The following NOS2 variants were observed in gnomAD, a reference collection of about 807,000 sequenced individuals.
NOS2 encodes the protein nitric oxide synthase, inducible.
NOS2 carries 96 observed loss-of-function variants against 136.0 expected under a neutral mutation model. The observed-to-expected ratio is 0.71, with a 90% confidence interval of 0.60 to 0.84. The LOEUF (loss-of-function observed/expected upper bound fraction) is 0.84, where lower values mean the gene tolerates loss of function less well. NOS2 is among the 40% of genes least tolerant of loss of function. The probability of loss-of-function intolerance (pLI) is 0.00; values close to 1 mark genes in which losing one functional copy is unlikely to be tolerated. For synonymous variants in NOS2, 539 were observed against 587.5 expected (o/e 0.92, Z 1.20); for missense variants, 1,237 against 1,496.9 (o/e 0.83, Z 2.87).
rs28944201 is a variant in NOS2 at position 27,760,164 on chromosome 17, G to A, written c.3025C>T (p.Arg1009Cys). Residue 1009 changes from arginine to cysteine, a missense_variant, in exon 25 of 27, where the codon CGC (arginine) becomes TGC (cysteine). By Grantham distance (180) the Arg-to-Cys change is radical. Coordinates refer to ENST00000313735, the MANE Select transcript of NOS2 (RefSeq NM_000625.4). ...DSQHKGVRGG[R>C]MTLVFGCRRP... is the part of the protein sequence containing the mutation. ...CGGCACCCAAACACCAAGGTCATGC[G>A]GCCTCCCCGCACTCCTGCAGGAGTC... 6.5e-5 allele frequency: 103 copies of A among 1,580,762 alleles called. No individual in the cohort carries two copies. In the African/African-American group the frequency reaches 1.3e-3, roughly 20 times the overall value.
intron 15 of NOS2, among the ~76,000 whole-genome samples, chr17:27,769,796 T>G (rs538897167): frequency 6.6e-6 from 1 of 152,222 alleles, no homozygotes; most frequent in African/African-American, 2.4e-5. Flanking sequence ...TAGCAACTTG[T>G]GTAGGCCCTG....
chr17:27,764,366 G>A (rs1219120299), intron 20 of NOS2, among the ~76,000 whole-genome samples: 13 of 152,272 alleles, frequency 8.5e-5, no homozygotes, highest in Middle Eastern at 3.4e-3. Context: ...GTAAGTTGGC[G>A]TGGTCCTGAT....
intron 14 of NOS2, 39 bp downstream of exon 14, chr17:27,772,269 C>T (rs1555539229): frequency 6.2e-7 from 1 of 1,612,688 alleles, no homozygotes; most frequent in Non-Finnish European, 8.5e-7. Flanking sequence ...CCCCTGCACA[C>T]AAGCAGAAAA....
intron 9 of NOS2, among the ~76,000 whole-genome samples, chr17:27,779,523 CA>C (rs1279779862): frequency 3.3e-5 from 5 of 152,036 alleles, no homozygotes; most frequent in African/African-American, 7.2e-5. Flanking sequence ...CAGAAAGAGT[CA>C]AACAAGAAAA....
intron 13 of NOS2, 145 bp downstream of exon 13, chr17:27,773,016 C>T (rs1214465157): frequency 1.3e-6 from 1 of 743,380 alleles, no homozygotes; most frequent in Admixed American, 2.1e-5. Context: ...GCCTGGGTGA[C>T]AGAGTAAGAC....
chr17:27,795,162 G>A (rs561039894), intron 2 of NOS2, among the ~76,000 whole-genome samples: 27 of 152,328 alleles, frequency 1.8e-4, no homozygotes, highest in South Asian at 8.3e-4. Context: ...AACCAGCGAG[G>A]AAGACATCCG....
chr17:27,769,626 A>C, intron 15 of NOS2, 42 bp from the exon 16 acceptor site: 1 of 1,525,454 alleles, frequency 6.6e-7, no homozygotes, highest in East Asian at 2.2e-5. Context: ...GCCAGGATGA[A>C]TAAAAACACT....
rs371738935 is a variant in NOS2, at chr17:27,761,148, G to T, written c.2884C>A (p.Arg962=). Residue 962 remains arginine (R), a synonymous_variant, in exon 23 of 27, where the codon CGG becomes AGG. Transcript: ENST00000313735. ...CAGAGTGGAAGGGGTGCTTACTTCC[G>T]CACAAAGCAGGGCACTGGGTCTTGG... ...KPQDPVPCFV[R]NASGFHLPED... is the part of the protein sequence containing the mutation. 5 of 1,593,840 alleles carry T rather than the reference G, an allele frequency of 3.1e-6. No individual in the cohort carries two copies. The highest frequency in any genetic ancestry group is 3.5e-5 in the Admixed American group (2 of 57,866).
At chr17:27,781,363 A>T (rs1324673776) in intron 7 of NOS2, among the ~76,000 whole-genome samples, 186 bp from the exon 8 acceptor site, 3 of 152,082 alleles carry the variant, frequency 2.0e-5, no homozygotes, top group Non-Finnish European at 4.4e-5. Flanking sequence ...CACCCCCTCA[A>T]GGGGGCCTTC....
chr17:27,759,634 G>A (rs1716228213), intron 25 of NOS2, among the ~76,000 whole-genome samples: 1 of 152,130 alleles, frequency 6.6e-6, no homozygotes, highest in Admixed American at 6.5e-5. Flanking sequence ...CAGGCTCAGG[G>A]GGTAACGCGG....
In NOS2 at chr17:27,765,755, A is replaced by T. The variant is rs762619828; in HGVS notation, c.2247-39T>A. 3.9e-6 allele frequency: 6 copies of T among 1,555,996 alleles called. No homozygotes were observed. The East Asian group carries it at 1.4e-4, about 35-fold the overall frequency. ...ATGAAGCCTCAGGTGACATTGCAGG[A>T]TTTCCTCCAGGGCTCCTTGATGGGC... On this transcript the variant is annotated intron_variant, in intron 19 of 26. Transcript: ENST00000313735.
Position 27,767,755 on chromosome 17 carries a change from G to T in NOS2, c.2117C>A (p.Pro706Gln). 2 of 1,613,444 alleles carry T rather than the reference G, an allele frequency of 1.2e-6. No individual in the cohort carries two copies. The highest frequency in any genetic ancestry group is 1.7e-6 in the Non-Finnish European group (2 of 1,180,018). ...KLYTSNVTWD[P>Q]HHYRLVQDSQ... is the part of the protein sequence containing the mutation. ...GTCCTGCACGAGCCTGTAGTGGTGC[G>T]GGTCCCAGGTCACATTGGAGGTGTA... The change falls in exon 18 of 27, where the codon CCG becomes CAG. Residue 706 changes from proline (P) to glutamine (Q), a missense_variant. Physicochemically the swap from Pro to Gln is moderately conservative, Grantham distance 76. Around this residue, in one of 3 missense-constraint regions of NOS2, gnomAD observed 782 missense variants for 909.9 expected, o/e 0.86. Transcript: ENST00000313735.
chr17:27,774,801 C>T (rs997613415), intron 11 of NOS2, among the ~76,000 whole-genome samples: 2 of 152,218 alleles, frequency 1.3e-5, no homozygotes, highest in Non-Finnish European at 2.9e-5. Context: ...ACCACAGCAC[C>T]TTTTGGCAGG....
rs965110292 is a variant in NOS2 at position 27,789,545 on chromosome 17, G to A, written c.195+59C>T. ...CAGCCCAGCTCTAACAGGCTGCTAT[G>A]TCTGCATCTGCCTGGACCAGGGAGG... On this transcript the variant is annotated intron_variant, in intron 3 of 26. Transcript: ENST00000313735. 1.6e-5 allele frequency: 21 copies of A among 1,307,434 alleles called. No homozygotes were observed. In the South Asian group the frequency reaches 1.9e-4, roughly 12 times the overall value. 81.0% of individuals were successfully genotyped at this position (1,307,434 alleles called of 1,614,324 possible). A position where few individuals can be genotyped will look rare whatever the true frequency, so the allele number is the denominator to read the frequency against.
Position 27,778,920 on chromosome 17 carries a change from G to A in NOS2, c.1141C>T (p.Arg381Trp), listed in dbSNP as rs377644483. The change falls in exon 10 of 27, where the codon CGG becomes TGG. Residue 381 changes from arginine to tryptophan, a missense_variant. Around this residue, in one of 3 missense-constraint regions of NOS2, gnomAD observed 440 missense variants for 545.4 expected, o/e 0.81. Transcript: ENST00000313735. ...GWYMGTEIGV[R>W]DFCDVQRYNI... Reference sequence around the variant, plus strand: ...TAGCGCTGGACGTCACAGAAGTCCCGGACTCCGATCTCTGTGCCCATGTAC... The same window carrying A: ...TAGCGCTGGACGTCACAGAAGTCCCAGACTCCGATCTCTGTGCCCATGTAC... 26 of 1,609,512 alleles carry A rather than the reference G, an allele frequency of 1.6e-5. No individual in the cohort carries two copies. Among genetic ancestry groups the A allele is most frequent in the Middle Eastern group, 1.6e-4 (1 of 6,066 alleles).
Position 27,798,715 on chromosome 17 carries a change from G to GCACA in NOS2, c.94_95insTGTG (p.Pro32LeufsTer13). 2 of 1,612,634 alleles carry GCACA rather than the reference G, an allele frequency of 1.2e-6. No homozygotes were observed. The highest frequency in any genetic ancestry group is 1.7e-6 in the Non-Finnish European group (2 of 1,178,642). On this transcript the variant is annotated frameshift_variant, in exon 2 of 27. Coordinates refer to ENST00000313735, the MANE Select transcript of NOS2 (RefSeq NM_000625.4). LOFTEE classifies it high-confidence loss of function. ...GAAAACTCACCTGGAGGTGGCACAGGGGGCTTTCTCCACATTGTTGTTGAT... is the reference window on the plus strand; with the variant it reads ...GAAAACTCACCTGGAGGTGGCACAGGCACAGGGCTTTCTCCACATTGTTGTTGAT...
At chr17:27,770,158 CCT>C (rs1327311726) in intron 15 of NOS2, among the ~76,000 whole-genome samples, 2 of 152,174 alleles carry the variant, frequency 1.3e-5, no homozygotes, top group Non-Finnish European at 2.9e-5. Flanking sequence ...ACCTTTAATA[CCT>C]CTCTCATTGC....
intron 4 of NOS2, 73 bp downstream of exon 4, chr17:27,788,736 G>C: frequency 6.4e-7 from 1 of 1,554,398 alleles, no homozygotes; most frequent in East Asian, 2.3e-5. Flanking sequence ...GGGGACACCT[G>C]TTTGATCCAC....
chr17:27,759,004 G>A lies in NOS2; in HGVS notation c.3231C>T (p.Gly1077=), dbSNP rs774411653. The change falls in exon 26 of 27, where the codon GGC becomes GGT. Residue 1077 remains glycine (G), a synonymous_variant. Coordinates refer to ENST00000313735, the MANE Select transcript of NOS2 (RefSeq NM_000625.4). The stretch of plus-strand genomic sequence containing the variant: ...GCACATCCCCGCAAACATAGAGGTG[G>A]CCTGGCTCCTTGTGGAGCACACGGA... ...EVLRVLHKEP[G]HLYVCGDVRM... 12 of 1,612,630 alleles carry A rather than the reference G, an allele frequency of 7.4e-6. No individual in the cohort carries two copies. The highest frequency in any genetic ancestry group is 9.3e-6 in the Non-Finnish European group (11 of 1,179,578).
Sources: gnomAD v4.1 joint callset for allele counts (sites outside exome capture counted in the v4.1 genomes callset) on GRCh38, gnomAD v4.1.1 for gene constraint, gnomAD v4.1.1 regional missense constraint, MANE v1.5 for transcripts, NCBI Gene and HGNC (gene_info 2026-07-23, HGNC 2026-07-21) for gene names.